Variants in DIAPH2 observed in about 807,000 individuals in gnomAD.
DIAPH2 encodes the protein diaphanous related formin 2.
Under a neutral mutation model 92.7 loss-of-function variants are expected in DIAPH2, and 35 were observed. That is an observed-to-expected ratio of 0.38 (90% CI 0.29 to 0.50). The LOEUF (loss-of-function observed/expected upper bound fraction) is 0.50, where lower values mean the gene tolerates loss of function less well. Ranked by LOEUF, DIAPH2 falls within the 20% of genes least tolerant of loss-of-function variation. The pLI is 0.94. For missense variants in DIAPH2, 701 were observed against 819.5 expected, an observed-to-expected ratio of 0.86 and a Z score of 1.77; for synonymous variants, 301 against 280.4, an observed-to-expected ratio of 1.07 and a Z score of -0.73.
chrX:97,339,373 G>A (rs1310356014), intron 23 of DIAPH2, among the ~76,000 whole-genome samples: 1 of 110,381 alleles, frequency 9.1e-6, no homozygotes, highest in African/African-American at 3.3e-5. Flanking sequence ...AAATTAGCTG[G>A]GCATGGTGCT....
intron 4 of DIAPH2, among the ~76,000 whole-genome samples, chrX:96,764,029 A>G (rs189410224): frequency 1.9e-3 from 207 of 108,685 alleles, no homozygotes; most frequent in Admixed American, 4.5e-3. Flanking sequence ...TCCTTTCAGG[A>G]TAATTTTAAA....
intron 26 of DIAPH2, among the ~76,000 whole-genome samples, chrX:97,454,516 C>A (rs1205571998): frequency 9.0e-6 from 1 of 111,250 alleles, no homozygotes; most frequent in Non-Finnish European, 1.9e-5. Flanking sequence ...ACATTTTTTA[C>A]AATATTCTTC....
chrX:96,985,934 C>A (rs376321920), intron 17 of DIAPH2, among the ~76,000 whole-genome samples: 2 of 110,936 alleles, frequency 1.8e-5, no homozygotes, highest in East Asian at 2.8e-4. Context: ...GGCATGACAG[C>A]ATGCTTCTTT....
intron 22 of DIAPH2, among the ~76,000 whole-genome samples, chrX:97,159,982 A>G (rs1258751402): frequency 9.1e-6 from 1 of 109,927 alleles, no homozygotes; most frequent in Non-Finnish European, 1.9e-5. Context: ...GGGTTGCAGC[A>G]GAGGAGTTTA....
At chrX:97,185,413 ATATATATATG>A (rs2067583235) in intron 22 of DIAPH2, among the ~76,000 whole-genome samples, 2 of 56,069 alleles carry the variant, frequency 3.6e-5, no homozygotes, top group African/African-American at 2.0e-4. Flanking sequence ...ATATATATGT[ATATATATATG>A]TATATATATA....
chrX:96,778,373 A>G (rs892719198), intron 4 of DIAPH2, among the ~76,000 whole-genome samples: 16 of 110,719 alleles, frequency 1.4e-4, no homozygotes, highest in Non-Finnish European at 1.3e-4. Flanking sequence ...AAAATTGTTA[A>G]CATTATGTTA....
At chrX:96,840,640 GCT>G (rs1176448920) in intron 4 of DIAPH2, among the ~76,000 whole-genome samples, 1 of 110,388 alleles carries the variant, frequency 9.1e-6, no homozygotes, top group Non-Finnish European at 1.9e-5. Context: ...ACGGAGTCTG[GCT>G]CTGTCGCCCA....
intron 23 of DIAPH2, among the ~76,000 whole-genome samples, chrX:97,285,729 T>C (rs770639166): frequency 1.9e-3 from 206 of 111,038 alleles, no homozygotes; most frequent in African/African-American, 6.2e-3. Flanking sequence ...CCCGAGTAGC[T>C]GGGACTACAG....
intron 23 of DIAPH2, among the ~76,000 whole-genome samples, chrX:97,324,633 C>A (rs2068934452): frequency 9.0e-6 from 1 of 111,394 alleles, no homozygotes. Flanking sequence ...TCTGGAAGAA[C>A]CTGCATATAG....
intron 26 of DIAPH2, among the ~76,000 whole-genome samples, chrX:97,568,115 CAAAAAAAAAAA>C (rs59273565): frequency 6.6e-5 from 2 of 30,098 alleles, no homozygotes; most frequent in Non-Finnish European, 1.0e-4. Context: ...GACTCCATCT[CAAAAAAAAAAA>C]AAAAAAAAAA....
At chrX:97,268,739 G>A (rs1447622247) in intron 23 of DIAPH2, among the ~76,000 whole-genome samples, 2 of 111,216 alleles carry the variant, frequency 1.8e-5, no homozygotes, top group South Asian at 3.8e-4. Flanking sequence ...CATATAAAAT[G>A]TCTGTGAATT....
intron 4 of DIAPH2, among the ~76,000 whole-genome samples, chrX:96,847,949 G>T (rs2064982644): frequency 9.0e-6 from 1 of 111,467 alleles, no homozygotes; most frequent in East Asian, 2.8e-4. Context: ...AAAGATATAT[G>T]GTTGACTGGT....
At chrX:96,706,863 T>C (rs904620201) in intron 1 of DIAPH2, among the ~76,000 whole-genome samples, 7 of 111,935 alleles carry the variant, frequency 6.3e-5, no homozygotes, top group Admixed American at 1.9e-4. Flanking sequence ...AATGTAGAGA[T>C]CTACAAAATT....
At chrX:97,423,675 T>C (rs1178143814) in intron 25 of DIAPH2, among the ~76,000 whole-genome samples, 1 of 111,696 alleles carries the variant, frequency 9.0e-6, no homozygotes, top group Non-Finnish European at 1.9e-5. Flanking sequence ...TCTGTGACTT[T>C]CAAGCTGAGT....
intron 22 of DIAPH2, among the ~76,000 whole-genome samples, chrX:97,179,312 C>T (rs2067520466): frequency 9.6e-6 from 1 of 104,060 alleles, no homozygotes; most frequent in Admixed American, 1.1e-4. Context: ...CATAGGTATA[C>T]ATGTGCCATG....
chrX:97,362,851 T>G (rs891220612), intron 24 of DIAPH2, among the ~76,000 whole-genome samples: 1 of 112,205 alleles, frequency 8.9e-6, no homozygotes, highest in Non-Finnish European at 1.9e-5. Flanking sequence ...GGCTAAAAGG[T>G]TTCAACAATA....
intron 17 of DIAPH2, among the ~76,000 whole-genome samples, chrX:97,012,602 T>A (rs2066234799): frequency 8.9e-6 from 1 of 112,318 alleles, no homozygotes; most frequent in Admixed American, 9.4e-5. Flanking sequence ...TCACTATTCT[T>A]CAGTGTACAT....
chrX:97,251,123 G>A (rs771655453), intron 23 of DIAPH2, among the ~76,000 whole-genome samples: 4 of 111,336 alleles, frequency 3.6e-5, no homozygotes, highest in Non-Finnish European at 7.5e-5. Flanking sequence ...AAAATCAGTC[G>A]TTCTTGACCC....
At chrX:97,487,230 A>C (rs1014750007) in intron 26 of DIAPH2, among the ~76,000 whole-genome samples, 1 of 111,897 alleles carries the variant, frequency 8.9e-6, no homozygotes, top group Non-Finnish European at 1.9e-5. Flanking sequence ...TGCAGTGAAC[A>C]TGGGAGTGCA....
Sources: allele counts gnomAD v4.1 joint callset (sites outside exome capture counted in the v4.1 genomes callset), GRCh38; gene constraint gnomAD v4.1.1; transcripts MANE v1.5; gene names NCBI Gene and HGNC (gene_info 2026-07-23, HGNC 2026-07-21).